Variants in SEL1L3 observed in about 807,000 individuals in gnomAD.
SEL1L3 encodes protein sel-1 homolog 3.
A neutral mutation model predicts 142.8 loss-of-function variants in SEL1L3; 76 were observed. That is an observed-to-expected ratio of 0.53 (90% CI 0.44 to 0.64). SEL1L3 has a LOEUF of 0.64. Ranked by LOEUF, SEL1L3 falls within the 30% of genes least tolerant of loss-of-function variation. The pLI is 0.00. For synonymous variants in SEL1L3, 504 were observed against 519.6 expected (o/e 0.97, Z 0.41); for missense variants, 1,262 against 1,381.7 (o/e 0.91, Z 1.37).
intron 2 of SEL1L3, among the ~76,000 whole-genome samples, chr4:25,844,776 G>A (rs932104387): frequency 6.6e-6 from 1 of 152,166 alleles, no homozygotes; most frequent in East Asian, 1.9e-4. Flanking sequence ...AACAAATTAG[G>A]TGGCCCTGTG....
intron 1 of SEL1L3, among the ~76,000 whole-genome samples, chr4:25,849,098 C>G (rs1716724129): frequency 6.6e-6 from 1 of 152,134 alleles, no homozygotes; most frequent in Non-Finnish European, 1.5e-5. Context: ...AAGATCACAC[C>G]ACTGCACTCC....
chr4:25,819,411 TG>T (rs1314947710), intron 8 of SEL1L3, among the ~76,000 whole-genome samples: 1 of 152,238 alleles, frequency 6.6e-6, no homozygotes, highest in Non-Finnish European at 1.5e-5. Flanking sequence ...CAGATATCAA[TG>T]GCCCAAAACA....
intron 9 of SEL1L3, among the ~76,000 whole-genome samples, chr4:25,805,710 T>C (rs1713511858): frequency 6.6e-6 from 1 of 152,246 alleles, no homozygotes; most frequent in Non-Finnish European, 1.5e-5. Flanking sequence ...TTGTTATTCA[T>C]ATCTCTTGTT....
At chr4:25,728,591 T>C in the SEL1L3 span, among the ~76,000 whole-genome samples, 1 of 152,122 alleles carries the variant, frequency 6.6e-6, no homozygotes, top group Non-Finnish European at 1.5e-5. Context: ...TACCTAAGGC[T>C]ATCTTGCACT....
intron 11 of SEL1L3, among the ~76,000 whole-genome samples, chr4:25,798,710 C>A (rs758653546): frequency 5.9e-5 from 9 of 152,166 alleles, no homozygotes; most frequent in Non-Finnish European, 1.3e-4. Context: ...TGCCTGTAGT[C>A]CCAGCTACTC....
At chr4:25,765,481 A>G (rs1718657016) in intron 19 of SEL1L3, 46 bp from the exon 20 acceptor site, 1 of 1,235,488 alleles carries the variant, frequency 8.1e-7, no homozygotes, top group Non-Finnish European at 1.2e-6. Flanking sequence ...GGTTTTTTTT[A>G]TACCAACATT....
intron 6 of SEL1L3, 60 bp from the exon 7 acceptor site, chr4:25,822,188 A>C: frequency 6.2e-7 from 1 of 1,603,560 alleles, no homozygotes; most frequent in South Asian, 1.1e-5. Flanking sequence ...ATTTAAAAAC[A>C]GTCTCTTTCC....
chr4:25,745,698 C>A (rs1403395063), downstream of SEL1L3, among the ~76,000 whole-genome samples: 1 of 152,218 alleles, frequency 6.6e-6, no homozygotes, highest in Non-Finnish European at 1.5e-5. Flanking sequence ...GACAACCCTG[C>A]CCCACAACAA....
intron 9 of SEL1L3, among the ~76,000 whole-genome samples, chr4:25,808,765 C>A (rs1713776054): frequency 1.3e-5 from 1 of 78,592 alleles, no homozygotes; most frequent in Non-Finnish European, 2.7e-5. Context: ...CTTTCTTTTT[C>A]TTTTTCAAAA....
intron 11 of SEL1L3, among the ~76,000 whole-genome samples, chr4:25,791,480 T>C (rs1712331260): frequency 6.6e-6 from 1 of 152,250 alleles, no homozygotes; most frequent in Non-Finnish European, 1.5e-5. Context: ...ACGGTCTCTC[T>C]TTATACATAA....
chr4:25,736,064 C>T, the SEL1L3 span, among the ~76,000 whole-genome samples: 954 of 151,704 alleles, frequency 6.3e-3, 47 homozygotes, highest in East Asian at 0.14. Context: ...CTCCTGACCT[C>T]GTGATCCACC....
intron 1 of SEL1L3, chr4:25,861,941 C>T (rs1277063347): frequency 6.6e-6 from 1 of 152,202 alleles, no homozygotes; most frequent in Non-Finnish European, 1.5e-5. Context: ...GGTTACTGCC[C>T]TTTAGTTGAT....
At chr4:25,785,222 A>C (rs1402279473) in intron 13 of SEL1L3, among the ~76,000 whole-genome samples, 1 of 152,238 alleles carries the variant, frequency 6.6e-6, no homozygotes, top group East Asian at 1.9e-4. Flanking sequence ...TTAAACGCTT[A>C]GCTCTATAGT....
chr4:25,719,666 C>T, the SEL1L3 span: 1 of 152,044 alleles, frequency 6.6e-6, no homozygotes, highest in East Asian at 1.9e-4. Flanking sequence ...TGTGGATAAC[C>T]AGTTGATTCA....
At chr4:25,738,966 G>C in the SEL1L3 span, among the ~76,000 whole-genome samples, 1 of 152,100 alleles carries the variant, frequency 6.6e-6, no homozygotes, top group Non-Finnish European at 1.5e-5. Context: ...AGCACTTTGG[G>C]AGGCCGAGGC....
In SEL1L3 at chr4:25,830,140, C is replaced by T. The variant is rs1232435077; in HGVS notation, c.1115G>A (p.Ser372Asn). Residue 372 changes from serine (S) to asparagine (N), a missense_variant, in exon 6 of 24, where the codon AGC becomes AAC. Physicochemically the swap from Ser to Asn is conservative, Grantham distance 46 (BLOSUM62 1). Around this residue, in one of 3 missense-constraint regions of SEL1L3, gnomAD observed 689 missense variants for 692.8 expected, o/e 0.99. Transcript: ENST00000399878. Reference sequence around the variant, plus strand: ...GTAGCTTTTCAAATCCTGTCCAATGCTAGTGGTTACTACTATCTATGATGG... The same window carrying T: ...GTAGCTTTTCAAATCCTGTCCAATGTTAGTGGTTACTACTATCTATGATGG... ...FNGGQIVVTT[S>N]IGQDLKSYHN... 5.0e-6 allele frequency: 8 copies of T among 1,607,614 alleles called. No homozygotes were observed. Among genetic ancestry groups the T allele is most frequent in the African/African-American group, 2.7e-5 (2 of 74,910 alleles).
chr4:25,722,699 C>T, the SEL1L3 span, among the ~76,000 whole-genome samples: 1 of 148,776 alleles, frequency 6.7e-6, no homozygotes, highest in East Asian at 2.0e-4. Context: ...ACAAGCAATC[C>T]TCCTTCCTCA....
intron 2 of SEL1L3, among the ~76,000 whole-genome samples, chr4:25,845,471 G>A (rs2109306176): frequency 6.6e-6 from 1 of 152,302 alleles, no homozygotes; most frequent in East Asian, 1.9e-4. Flanking sequence ...ACTCCAGCTT[G>A]GGTAACAGAG....
rs1391292456 is a variant in SEL1L3 at position 25,839,822 on chromosome 4, A to AAC, written c.734-4500_734-4499insGT. Among the ~76,000 whole-genome samples the AAC allele has an allele frequency of 2.1e-4, 13 of 61,778 alleles. No individual in the cohort carries two copies. The South Asian group carries it at 6.3e-3, about 30-fold the overall frequency. 40.5% of individuals were successfully genotyped at this position (61,778 alleles called of 152,430 possible). The stretch of plus-strand genomic sequence containing the variant: ...TTTTTCGTCTACGAAAGAAAAGAAC[A>AAC]AAAGCTCTGAGCACTTCCGGGCAGG... On this transcript the variant is annotated intron_variant, in intron 2 of 23. Transcript: ENST00000399878.
Sources: gnomAD v4.1 joint callset for allele counts (sites outside exome capture counted in the v4.1 genomes callset) on GRCh38, gnomAD v4.1.1 for gene constraint, gnomAD v4.1.1 regional missense constraint, MANE v1.5 for transcripts, NCBI Gene and HGNC (gene_info 2026-07-23, HGNC 2026-07-21) for gene names.